The following MYCBP2 variants were observed in gnomAD, a reference collection of about 807,000 sequenced individuals.
MYCBP2 encodes the protein MYC binding protein 2.
A neutral mutation model predicts 525.3 loss-of-function variants in MYCBP2; 120 were observed. That is an observed-to-expected ratio of 0.23 (90% CI 0.20 to 0.27). The LOEUF is 0.27. Among genes scored for constraint, MYCBP2 ranks in the 10% least tolerant of loss-of-function variants. MYCBP2 has a pLI of 1.00. For synonymous variants in MYCBP2, 1,894 were observed against 1,955.8 expected, an observed-to-expected ratio of 0.97 and a Z score of 0.83; for missense variants, 4,149 against 5,657.1, an observed-to-expected ratio of 0.73 and a Z score of 8.55.
chr13:77,252,653 G>A (rs2071420919), intron 14 of MYCBP2, among the ~76,000 whole-genome samples: 1 of 152,008 alleles, frequency 6.6e-6, no homozygotes, highest in Non-Finnish European at 1.5e-5. Flanking sequence ...TTAACATACA[G>A]CTATCACTCA....
intron 77 of MYCBP2, among the ~76,000 whole-genome samples, chr13:77,059,059 G>T (rs770965374): frequency 1.7e-4 from 25 of 149,316 alleles, no homozygotes; most frequent in Non-Finnish European, 2.4e-4. Flanking sequence ...CCAAAATGCA[G>T]ATTTTTTTTT....
At chr13:77,312,126 C>T (rs2080322938) in intron 1 of MYCBP2, among the ~76,000 whole-genome samples, 1 of 151,952 alleles carries the variant, frequency 6.6e-6, no homozygotes, top group Non-Finnish European at 1.5e-5. Flanking sequence ...AGCATCTACT[C>T]GGAATTATAT....
Position 77,081,808 on chromosome 13 carries a change from C to T in MYCBP2, c.11193+29G>A. 2 of 1,598,356 alleles carry T rather than the reference C, an allele frequency of 1.3e-6. No homozygotes were observed. Among genetic ancestry groups the T allele is most frequent in the Middle Eastern group, 1.7e-4 (1 of 5,966 alleles). ...TTTGATGTATTATTAACTAACAGGACAACCAGGATAATAACTGAAATGACT... is the reference window on the plus strand; with the variant it reads ...TTTGATGTATTATTAACTAACAGGATAACCAGGATAATAACTGAAATGACT... On this transcript the variant is annotated intron_variant, in intron 64 of 82. Transcript: ENST00000544440. This position sits in a 1 kb window ranked among gnomAD's most constrained non-coding sequence, Gnocchi z 4.6.
intron 18 of MYCBP2, among the ~76,000 whole-genome samples, chr13:77,231,801 C>T (rs1264488452): frequency 1.3e-5 from 2 of 152,158 alleles, no homozygotes; most frequent in Non-Finnish European, 2.9e-5. Context: ...AAAATCTGTT[C>T]TAATTGTGAC....
At chr13:77,109,980 T>TC (rs2048519475) in intron 55 of MYCBP2, 1 of 152,154 alleles carries the variant, frequency 6.6e-6, no homozygotes, top group African/African-American at 2.4e-5. Flanking sequence ...GTACGTCACC[T>TC]CAGGACCATT....
intron 29 of MYCBP2, 137 bp from the exon 30 acceptor site, chr13:77,189,184 G>T: frequency 3.8e-6 from 2 of 523,970 alleles, no homozygotes; most frequent in South Asian, 4.4e-5. Flanking sequence ...CCAATACAGG[G>T]CTTTTTTGAA....
intron 55 of MYCBP2, chr13:77,118,407 G>A (rs778266798): frequency 7.3e-5 from 56 of 764,482 alleles, no homozygotes; most frequent in Middle Eastern, 2.3e-4. Context: ...CTAGGGAAGA[G>A]GGAGGTTTTG....
chr13:77,152,549 C>T (rs1202069000), intron 46 of MYCBP2, among the ~76,000 whole-genome samples: 1 of 152,162 alleles, frequency 6.6e-6, no homozygotes, highest in Admixed American at 6.5e-5. Context: ...TGCCCCCCTA[C>T]CCTATGCCCC....
chr13:77,224,608 T>C, intron 19 of MYCBP2, 76 bp from the exon 20 acceptor site: 4 of 870,728 alleles, frequency 4.6e-6, no homozygotes, highest in Non-Finnish European at 7.3e-6. Context: ...CTAAAAGCAG[T>C]GTAATTTTCA....
At chr13:77,064,577 A>C (rs1594158621) in intron 73 of MYCBP2, 38 bp downstream of exon 73, 4 of 1,556,314 alleles carry the variant, frequency 2.6e-6, no homozygotes, top group Middle Eastern at 1.7e-4. Flanking sequence ...AATGATACAC[A>C]CCAAATTTAA....
At chr13:77,153,499 A>T (rs1209750647) in intron 46 of MYCBP2, among the ~76,000 whole-genome samples, 1 of 152,194 alleles carries the variant, frequency 6.6e-6, no homozygotes, top group Non-Finnish European at 1.5e-5. Context: ...TATACATACT[A>T]TTTCAATTTA....
intron 13 of MYCBP2, among the ~76,000 whole-genome samples, chr13:77,259,382 T>C (rs1026058075): frequency 4.6e-5 from 7 of 152,210 alleles, no homozygotes; most frequent in African/African-American, 1.7e-4. Context: ...AAAAAGGCAG[T>C]ATCCAGGTCT....
chr13:77,278,687 G>T, intron 4 of MYCBP2, 71 bp downstream of exon 4: 1 of 1,242,578 alleles, frequency 8.0e-7, no homozygotes, highest in Non-Finnish European at 1.0e-6. Flanking sequence ...TAACAATTTT[G>T]AAGTGTACAA....
At chr13:77,194,300 A>C in intron 26 of MYCBP2, 56 bp from the exon 27 acceptor site, 1 of 1,289,144 alleles carries the variant, frequency 7.8e-7, no homozygotes, top group Non-Finnish European at 1.1e-6. Flanking sequence ...TATCTGATGA[A>C]CAATGTGTTC....
chr13:77,198,991 T>G (rs1056842522), intron 26 of MYCBP2, among the ~76,000 whole-genome samples: 2 of 152,206 alleles, frequency 1.3e-5, no homozygotes, highest in African/African-American at 4.8e-5. Flanking sequence ...AGAATTTTGA[T>G]TTTTTTAATG....
At chr13:77,091,756 C>A (rs1262860269) in intron 59 of MYCBP2, among the ~76,000 whole-genome samples, 3 of 151,890 alleles carry the variant, frequency 2.0e-5, no homozygotes, top group African/African-American at 7.3e-5. Flanking sequence ...GGGTCTTGCT[C>A]TGTCACCTAG....
chr13:77,181,665 G>A (rs746536425), intron 33 of MYCBP2, 36 bp downstream of exon 33: 81 of 1,542,922 alleles, frequency 5.2e-5, no homozygotes, highest in Non-Finnish European at 6.7e-5. Flanking sequence ...TAGAGTTTTA[G>A]TGCCTCTGTA....
intron 1 of MYCBP2, among the ~76,000 whole-genome samples, chr13:77,325,451 A>G (rs904098712): frequency 6.6e-6 from 1 of 152,214 alleles, no homozygotes; most frequent in Non-Finnish European, 1.5e-5. Context: ...ATGTAAGGGC[A>G]TGGAAAAGAA....
At chr13:77,164,593 G>A (rs555603145) in intron 42 of MYCBP2, 52 bp from the exon 43 acceptor site, 41 of 1,045,884 alleles carry the variant, frequency 3.9e-5, no homozygotes, top group Non-Finnish European at 5.4e-5. Context: ...ATGATAATAC[G>A]GATTATCAAC....
Sources: allele counts gnomAD v4.1 joint callset (sites outside exome capture counted in the v4.1 genomes callset), GRCh38; gene constraint gnomAD v4.1.1; non-coding constraint Gnocchi (gnomAD v3.1); transcripts MANE v1.5; gene names NCBI Gene and HGNC (gene_info 2026-07-23, HGNC 2026-07-21).